PLXDC2: variants seen among roughly 807,000 people sequenced by gnomAD.
PLXDC2 encodes the protein plexin domain-containing protein 2.
PLXDC2 carries 40 observed loss-of-function variants against 68.9 expected under a neutral mutation model. The observed-to-expected ratio is 0.58, with a 90% CI of 0.45 to 0.76. PLXDC2 has a LOEUF of 0.76. PLXDC2 is among the 30% of genes least tolerant of loss of function. The probability of loss-of-function intolerance (pLI) is 0.00; values close to 1 mark genes in which losing one functional copy is unlikely to be tolerated. For missense variants in PLXDC2, 644 were observed against 661.9 expected (o/e 0.97, Z 0.30); for synonymous variants, 243 against 234.2 (o/e 1.04, Z -0.34).
At chr10:20,020,247 C>T (rs1835284047) in intron 2 of PLXDC2, among the ~76,000 whole-genome samples, 2 of 143,178 alleles carry the variant, frequency 1.4e-5, no homozygotes, top group South Asian at 4.3e-4. Context: ...CTTGAACTCC[C>T]AGCATCAAGC....
At chr10:20,205,671 G>T (rs1010321304) in intron 9 of PLXDC2, among the ~76,000 whole-genome samples, 4 of 152,020 alleles carry the variant, frequency 2.6e-5, no homozygotes, top group Non-Finnish European at 4.4e-5. Flanking sequence ...TTTGGTACAT[G>T]CATACCATGT....
chr10:20,197,305 CAT>C (rs1834852742), intron 9 of PLXDC2, among the ~76,000 whole-genome samples: 1 of 151,994 alleles, frequency 6.6e-6, no homozygotes, highest in African/African-American at 2.4e-5. Context: ...TTCAAAAAAC[CAT>C]ATATCAGCTT....
At chr10:19,896,108 T>C (rs1653054457) in intron 1 of PLXDC2, among the ~76,000 whole-genome samples, 1 of 152,196 alleles carries the variant, frequency 6.6e-6, no homozygotes, top group South Asian at 2.1e-4. Context: ...TGATCTGCCA[T>C]GATCTTGGCT....
intron 9 of PLXDC2, among the ~76,000 whole-genome samples, chr10:20,209,061 G>A (rs908675789): frequency 5.3e-5 from 8 of 152,110 alleles, no homozygotes; most frequent in South Asian, 2.1e-4. Context: ...GGACGGGGGC[G>A]AAATTAAAAT....
intron 1 of PLXDC2, among the ~76,000 whole-genome samples, chr10:19,914,372 T>C (rs1833329925): frequency 6.6e-6 from 1 of 152,206 alleles, no homozygotes; most frequent in Non-Finnish European, 1.5e-5. Context: ...CACTATATTC[T>C]GTCTCAGTAG....
chr10:20,147,388 T>C (rs1834093798), intron 5 of PLXDC2, among the ~76,000 whole-genome samples: 2 of 152,226 alleles, frequency 1.3e-5, no homozygotes, highest in Admixed American at 6.5e-5. Flanking sequence ...GTCCTAACTT[T>C]TTAGATGTGT....
intron 4 of PLXDC2, among the ~76,000 whole-genome samples, chr10:20,136,554 G>A (rs1468231705): frequency 2.0e-5 from 3 of 152,184 alleles, no homozygotes; most frequent in Non-Finnish European, 4.4e-5. Context: ...AATAGAAGAA[G>A]TGGAATATAT....
In PLXDC2 at chr10:20,217,456, C is replaced by T; in HGVS notation, c.1153C>T (p.Pro385Ser). 6.2e-7 allele frequency: 1 copy of T among 1,612,512 alleles called. No individual in the cohort carries two copies. The highest frequency in any genetic ancestry group is 8.5e-7 in the Non-Finnish European group (1 of 1,179,058). ...AGAGAAGATGTGTGAGAATACAGAA[C>T]CAGTGGAAACTTCTTCTCGAACCAC... Reference protein sequence around the residue: ...SKEKMCENTEPVETSSRTTTT... With the variant: ...SKEKMCENTESVETSSRTTTT... Residue 385 changes from proline to serine, a missense_variant, in exon 11 of 14, where the codon CCA becomes TCA. Pro to Ser is a moderately conservative substitution (Grantham distance 74). Around this residue, in one of 3 missense-constraint regions of PLXDC2, gnomAD observed 330 missense variants for 327.9 expected, o/e 1.01. Coordinates refer to ENST00000377252, the MANE Select transcript of PLXDC2 (RefSeq NM_032812.9).
At chr10:19,999,388 TTG>T (rs1491317605) in intron 1 of PLXDC2, among the ~76,000 whole-genome samples, 87 of 92,856 alleles carry the variant, frequency 9.4e-4, no homozygotes, top group South Asian at 2.4e-3. Context: ...TTGTAGGTGT[TTG>T]TTTTTTTTTT....
intron 1 of PLXDC2, among the ~76,000 whole-genome samples, chr10:19,914,085 G>C (rs1833323661): frequency 6.7e-6 from 1 of 149,406 alleles, no homozygotes; most frequent in Admixed American, 6.7e-5. Flanking sequence ...AAGGGAAGGA[G>C]GAAAGAAGGG....
chr10:20,200,601 A>T (rs1023194516), intron 9 of PLXDC2, among the ~76,000 whole-genome samples: 1 of 152,068 alleles, frequency 6.6e-6, no homozygotes, highest in Admixed American at 6.6e-5. Flanking sequence ...AAAACCTACA[A>T]AATAGAAGAT....
chr10:20,027,235 T>G lies in PLXDC2; in HGVS notation c.325-19634T>G, dbSNP rs1356222615. Among the ~76,000 whole-genome samples, 7 of 152,104 alleles carry G rather than the reference T, an allele frequency of 4.6e-5. No homozygotes were observed. The East Asian group carries it at 1.4e-3, about 29-fold the overall frequency. On this transcript the variant is annotated intron_variant, in intron 2 of 13. Transcript: ENST00000377252. ...AATGTGTCCCCCAGAATTCATATGA[T>G]TGAGGCTTAATCCCCAGTGCAACAG... is the stretch of plus-strand genomic sequence containing the variant.
intron 12 of PLXDC2, among the ~76,000 whole-genome samples, chr10:20,240,711 C>CAAAAAA (rs202138349): frequency 2.0e-5 from 2 of 100,024 alleles, no homozygotes; most frequent in Non-Finnish European, 3.8e-5. Context: ...TTGCAGTAGC[C>CAAAAAA]AAAAAAAAAA....
At chr10:19,840,497 T>C (rs781380230) in intron 1 of PLXDC2, among the ~76,000 whole-genome samples, 1 of 152,158 alleles carries the variant, frequency 6.6e-6, no homozygotes, top group Non-Finnish European at 1.5e-5. Flanking sequence ...TTACTGTTAT[T>C]AATATTAAAT....
intron 1 of PLXDC2, among the ~76,000 whole-genome samples, chr10:19,984,863 T>C (rs1269062554): frequency 6.6e-6 from 1 of 152,188 alleles, no homozygotes; most frequent in Non-Finnish European, 1.5e-5. Flanking sequence ...CTAGTTTATG[T>C]GTACTTTTAT....
At chr10:19,914,927 G>C (rs74122117) in intron 1 of PLXDC2, among the ~76,000 whole-genome samples, 3,552 of 152,238 alleles carry the variant, frequency 0.023, 131 homozygotes, top group African/African-American at 0.081. Flanking sequence ...AGCCACTCTA[G>C]CTACTAATGT....
Position 20,163,365 on chromosome 10 carries a change from G to A in PLXDC2, c.784-1103G>A, listed in dbSNP as rs527495230. On this transcript the variant is annotated intron_variant, in intron 6 of 13. Coordinates refer to ENST00000377252, the MANE Select transcript of PLXDC2 (RefSeq NM_032812.9). ...AGCCCTTTCACAGTTTCATGATGTC[G>A]TGGTCAAAAATAAGTCAGAGAGTTT... Among the ~76,000 whole-genome samples the A allele has an allele frequency of 5.3e-5, 8 of 152,098 alleles. No individual in the cohort carries two copies. In the East Asian group the frequency reaches 9.6e-4, roughly 18 times the overall value.
chr10:20,207,140 A>C (rs1835004320), intron 9 of PLXDC2, among the ~76,000 whole-genome samples: 1 of 152,104 alleles, frequency 6.6e-6, no homozygotes, highest in African/African-American at 2.4e-5. Flanking sequence ...TTCAAACCAA[A>C]TCTCACTTGT....
intron 6 of PLXDC2, among the ~76,000 whole-genome samples, chr10:20,149,259 T>G (rs11011828): frequency 0.02 from 2,708 of 132,710 alleles, 160 homozygotes; most frequent in African/African-American, 0.078. Flanking sequence ...TTTTTTTGAG[T>G]TGGAGTTTCA....
Sources: gnomAD v4.1 joint callset for allele counts (sites outside exome capture counted in the v4.1 genomes callset) on GRCh38, gnomAD v4.1.1 for gene constraint, gnomAD v4.1.1 regional missense constraint, MANE v1.5 for transcripts, NCBI Gene and HGNC (gene_info 2026-07-23, HGNC 2026-07-21) for gene names.